Variants in GYPE observed in about 807,000 individuals in gnomAD.
GYPE encodes glycophorin E (MNS blood group).
In GYPE, 8 loss-of-function variants were observed where a neutral mutation model predicts 11.6. The ratio of observed to expected loss-of-function variants is 0.69; its 90% CI spans 0.41 to 1.25. The LOEUF is 1.25. Among genes scored for constraint, GYPE ranks in the 50% most tolerant of loss-of-function variants. GYPE has a pLI of 0.01. For missense variants in GYPE, 90 were observed against 92.8 expected, an observed-to-expected ratio of 0.97 and a Z score of 0.12; for synonymous variants, 28 against 29.6, an observed-to-expected ratio of 0.94 and a Z score of 0.18.
chr4:143,904,189 T>A (rs1744974791), intron 1 of GYPE, among the ~76,000 whole-genome samples: 2 of 151,988 alleles, frequency 1.3e-5, no homozygotes, highest in African/African-American at 4.8e-5. Flanking sequence ...GTAGGTTTGT[T>A]CCCTAGTCTG....
chr4:143,896,010 G>T (rs967469990), intron 1 of GYPE, among the ~76,000 whole-genome samples: 3 of 152,074 alleles, frequency 2.0e-5, no homozygotes, highest in Non-Finnish European at 2.9e-5. Context: ...ATTAATTCAA[G>T]ATGGATTAAA....
intron 1 of GYPE, among the ~76,000 whole-genome samples, chr4:143,890,189 A>C (rs1027942650): frequency 2.0e-5 from 3 of 152,196 alleles, no homozygotes; most frequent in African/African-American, 7.2e-5. Context: ...CTGCAGTGGC[A>C]AATCCACATT....
intron 1 of GYPE, among the ~76,000 whole-genome samples, chr4:143,898,812 T>C (rs375453138): frequency 3.2e-4 from 49 of 152,330 alleles, no homozygotes; most frequent in African/African-American, 1.1e-3. Context: ...CCTGATACAA[T>C]GTTTCTGAGG....
At chr4:143,876,023 A>T (rs891247298) in intron 3 of GYPE, among the ~76,000 whole-genome samples, 1 of 152,038 alleles carries the variant, frequency 6.6e-6, no homozygotes, top group Non-Finnish European at 1.5e-5. Flanking sequence ...AAAATCACTG[A>T]TGTTAAGAAT....
intron 1 of GYPE, among the ~76,000 whole-genome samples, chr4:143,900,148 T>A (rs1744806097): frequency 6.6e-6 from 1 of 151,404 alleles, no homozygotes; most frequent in Non-Finnish European, 1.5e-5. Context: ...GAACCAACAT[T>A]TCTCCAAAGA....
intron 1 of GYPE, among the ~76,000 whole-genome samples, chr4:143,900,349 T>A (rs1246771682): frequency 1.6e-5 from 2 of 125,638 alleles, no homozygotes; most frequent in African/African-American, 5.8e-5. Context: ...GGTGAAAAGG[T>A]CAAAAGGTGC....
chr4:143,896,378 A>C (rs1744637339), intron 1 of GYPE, among the ~76,000 whole-genome samples: 1 of 152,228 alleles, frequency 6.6e-6, no homozygotes, highest in Non-Finnish European at 1.5e-5. Context: ...AAAAGAAGAC[A>C]TTTATGCAGC....
intron 1 of GYPE, among the ~76,000 whole-genome samples, chr4:143,893,723 T>G (rs1464120078): frequency 3.3e-5 from 5 of 152,150 alleles, no homozygotes; most frequent in East Asian, 1.9e-4. Context: ...ACCCGACCTG[T>G]CTCTCTGGCT....
intron 2 of GYPE, among the ~76,000 whole-genome samples, chr4:143,880,062 A>G (rs1743961293): frequency 6.6e-6 from 1 of 152,216 alleles, no homozygotes; most frequent in Non-Finnish European, 1.5e-5. Context: ...AGCAGCTGGC[A>G]TAGAGCTGAG....
At chr4:143,882,158 G>A (rs564092772) in intron 1 of GYPE, among the ~76,000 whole-genome samples, 33 of 152,216 alleles carry the variant, frequency 2.2e-4, no homozygotes, top group African/African-American at 6.7e-4. Flanking sequence ...GTGTATAAAC[G>A]ATTGCCATAT....
chr4:143,882,408 A>G (rs1406242295), intron 1 of GYPE, among the ~76,000 whole-genome samples: 1 of 152,196 alleles, frequency 6.6e-6, no homozygotes, highest in African/African-American at 2.4e-5. Flanking sequence ...ATCTCTCTTA[A>G]TAAATGTTAG....
rs187917477 is a variant in GYPE at position 143,902,717 on chromosome 4, C to A, written c.37+2754G>T. Among the ~76,000 whole-genome samples, 403 of 152,130 alleles carry A rather than the reference C, an allele frequency of 2.6e-3. 4 individuals are homozygous for A. The highest frequency in any genetic ancestry group is 9.4e-3 in the African/African-American group (392 of 41,490). ...CTATAAATACCAATCGGGAACTGTGCTAGATTCTGGGGATACACGGCTGAA... is the reference window on the plus strand; with the variant it reads ...CTATAAATACCAATCGGGAACTGTGATAGATTCTGGGGATACACGGCTGAA... On this transcript the variant is annotated intron_variant, in intron 1 of 3. Transcript: ENST00000358615.
rs143213000 is a variant in GYPE at position 143,877,051 on chromosome 4, G to T, written c.137-196C>A. Among the ~76,000 whole-genome samples, 1,125 of 152,258 alleles carry T rather than the reference G, an allele frequency of 7.4e-3. 10 individuals are homozygous for T. The highest frequency in any genetic ancestry group is 0.011 in the Non-Finnish European group (739 of 68,020). On this transcript the variant is annotated intron_variant, in intron 2 of 3. Coordinates refer to ENST00000358615, the MANE Select transcript of GYPE (RefSeq NM_198682.3). ...AACCTTGTGGGAAACTGGGACTGTG[G>T]GTGATCAAGTCTTTTGTCCAAGGTC...
intron 1 of GYPE, among the ~76,000 whole-genome samples, chr4:143,891,337 T>C (rs1435068205): frequency 6.8e-6 from 1 of 147,766 alleles, no homozygotes; most frequent in African/African-American, 2.5e-5. Context: ...TTCTTTTTTT[T>C]TTTTTTTTTG....
intron 2 of GYPE, among the ~76,000 whole-genome samples, chr4:143,877,696 AC>A (rs1743868056): frequency 6.6e-6 from 1 of 151,790 alleles, no homozygotes; most frequent in African/African-American, 2.4e-5. Context: ...AGCCTTCTTG[AC>A]CACTTAGCTT....
chr4:143,878,238 G>C (rs59949115), intron 2 of GYPE, among the ~76,000 whole-genome samples: 1 of 151,910 alleles, frequency 6.6e-6, no homozygotes, highest in East Asian at 1.9e-4. Flanking sequence ...CAATCGATCC[G>C]ATCCTCCCAC....
At chr4:143,872,980 C>T (rs1743669352) in intron 3 of GYPE, among the ~76,000 whole-genome samples, 1 of 152,014 alleles carries the variant, frequency 6.6e-6, no homozygotes. Context: ...AGTGAAAAAC[C>T]TACTGGAGAT....
At chr4:143,885,792 A>G (rs1744205412) in intron 1 of GYPE, among the ~76,000 whole-genome samples, 1 of 129,166 alleles carries the variant, frequency 7.7e-6, no homozygotes, top group African/African-American at 2.8e-5. Flanking sequence ...ACAAAAACTG[A>G]TTGGTGGCCA....
At chr4:143,899,685 T>G (rs1377734955) in intron 1 of GYPE, among the ~76,000 whole-genome samples, 1 of 146,798 alleles carries the variant, frequency 6.8e-6, no homozygotes, top group Non-Finnish European at 1.5e-5. Context: ...CCAATTAACT[T>G]TCAAGAAGGG....
Sources: gnomAD v4.1 joint callset for allele counts (sites outside exome capture counted in the v4.1 genomes callset) on GRCh38, gnomAD v4.1.1 for gene constraint, MANE v1.5 for transcripts, NCBI Gene and HGNC (gene_info 2026-07-23, HGNC 2026-07-21) for gene names.